The following GOT1 variants were observed in gnomAD, a reference collection of about 807,000 sequenced individuals.
GOT1 encodes the protein glutamic-oxaloacetic transaminase 1, also known as aspartate aminotransferase, cytoplasmic.
A neutral mutation model predicts 48.2 loss-of-function variants in GOT1; 25 were observed. The observed-to-expected ratio is 0.52, with a 90% CI of 0.38 to 0.72. The LOEUF (loss-of-function observed/expected upper bound fraction) is 0.72, where lower values mean the gene tolerates loss of function less well. Ranked by LOEUF, GOT1 falls within the 30% of genes least tolerant of loss-of-function variation. The probability of loss-of-function intolerance (pLI) is 0.00; values close to 1 mark genes in which losing one functional copy is unlikely to be tolerated. For missense variants in GOT1, 380 were observed against 520.1 expected, an observed-to-expected ratio of 0.73 and a Z score of 2.62; for synonymous variants, 188 against 193.8, an observed-to-expected ratio of 0.97 and a Z score of 0.25.
At chr10:99,405,520 G>GAC (rs138777645) in intron 5 of GOT1, among the ~76,000 whole-genome samples, 71,415 of 143,356 alleles carry the variant, frequency 0.5, 18,799 homozygotes, top group Non-Finnish European at 0.59. Flanking sequence ...CATAAAACTA[G>GAC]ACACACACAC....
At chr10:99,408,164 G>A (rs756753118) in intron 2 of GOT1, among the ~76,000 whole-genome samples, 1 of 152,132 alleles carries the variant, frequency 6.6e-6, no homozygotes, top group African/African-American at 2.4e-5. Context: ...TGAAACATGA[G>A]GAACTGATTC....
At position 99,403,828 on chromosome 10, in the gene GOT1, G is replaced by A. The variant is rs2032718088; in HGVS notation, c.689C>T (p.Ala230Val). ...PFFDSAYQGF[A>V]SGNLERDAWA... ...GGCATCTCTCTCCAGGTTTCCAGAT[G>A]CGAAGCCCTGATAGGCTGAGTCAAA... Residue 230 changes from alanine (A) to valine (V), a missense_variant, in exon 6 of 9, where the codon GCA (alanine) becomes GTA (valine). Ala to Val is a moderately conservative substitution (Grantham distance 64). Transcript: ENST00000370508. 2.5e-6 allele frequency: 4 copies of A among 1,614,056 alleles called. No homozygotes were observed. The South Asian group carries it at 4.4e-5, about 18-fold the overall frequency.
chr10:99,430,326 C>CCGGCGCCGCCCTCTTCAGG (rs2033101386), intron 1 of GOT1, 122 bp downstream of exon 1: 1 of 1,602,258 alleles, frequency 6.2e-7, no homozygotes, highest in Non-Finnish European at 8.5e-7. Context: ...AGCCTCCTCT[C>CCGGCGCCGCCCTCTTCAGG]CGGCGCCGCC....
chr10:99,417,140 G>C (rs903574768), intron 2 of GOT1, among the ~76,000 whole-genome samples: 1 of 152,146 alleles, frequency 6.6e-6, no homozygotes, highest in African/African-American at 2.4e-5. Flanking sequence ...GAGTGAACAG[G>C]CAACCTACAG....
intron 1 of GOT1, among the ~76,000 whole-genome samples, chr10:99,426,385 C>T (rs2033038132): frequency 6.6e-6 from 1 of 152,162 alleles, no homozygotes; most frequent in African/African-American, 2.4e-5. Context: ...TCGCCACTTC[C>T]CTCACCTATC....
chr10:99,425,051 T>A (rs917748109), intron 1 of GOT1, among the ~76,000 whole-genome samples: 4 of 152,214 alleles, frequency 2.6e-5, no homozygotes, highest in African/African-American at 9.6e-5. Context: ...CTATAGAGAT[T>A]GATAAAATAA....
chr10:99,427,596 G>A (rs1248415843), intron 1 of GOT1, among the ~76,000 whole-genome samples: 2 of 152,166 alleles, frequency 1.3e-5, no homozygotes, highest in Non-Finnish European at 2.9e-5. Context: ...TAGAATTTGG[G>A]AGAGAGGTCA....
rs1388668967 is a variant in GOT1, at chr10:99,420,769, G to C, written c.155C>G (p.Pro52Arg). 1 of 1,613,916 alleles carries C rather than the reference G, an allele frequency of 6.2e-7. No homozygotes were observed. The highest frequency in any genetic ancestry group is 8.5e-7 in the Non-Finnish European group (1 of 1,179,906). Reference protein sequence around the residue: ...RTDDCHPWVLPVVKKVEQKIA... With the variant: ...RTDDCHPWVLRVVKKVEQKIA... ...CTTCTGCTCCACTTTCTTCACTACTGGCAAAACCCAGGGATGGCAGTCATC... is the reference window on the plus strand; with the variant it reads ...CTTCTGCTCCACTTTCTTCACTACTCGCAAAACCCAGGGATGGCAGTCATC... Residue 52 changes from proline (P) to arginine (R), a missense_variant, in exon 2 of 9, where the codon CCA becomes CGA. By Grantham distance (103) the Pro-to-Arg change is moderately radical. Coordinates refer to ENST00000370508, the MANE Select transcript of GOT1 (RefSeq NM_002079.3).
At position 99,421,916 on chromosome 10, in the gene GOT1, A is replaced by G. The variant is rs1436008864; in HGVS notation, c.119-1111T>C. On this transcript the variant is annotated intron_variant, in intron 1 of 8. Transcript: ENST00000370508. ...GGGTTGTTGTTACCATTTACTGAAC[A>G]ACACGTGTTGATTGTAGAAAATTGG... 2.0e-5 allele frequency among the ~76,000 whole-genome samples: 3 copies of G among 152,244 alleles called. No individual in the cohort carries two copies. The East Asian group carries it at 5.8e-4, about 29-fold the overall frequency.
chr10:99,418,076 A>ATG, intron 2 of GOT1, among the ~76,000 whole-genome samples: 1 of 151,022 alleles, frequency 6.6e-6, no homozygotes, highest in Non-Finnish European at 1.5e-5. Context: ...ATATATATAT[A>ATG]AAAAGAAGGG....
At chr10:99,405,327 A>C (rs2032740489) in intron 5 of GOT1, among the ~76,000 whole-genome samples, 2 of 152,234 alleles carry the variant, frequency 1.3e-5, no homozygotes, top group Admixed American at 1.3e-4. Context: ...GTAAACCTAA[A>C]TATTCATCAG....
intron 1 of GOT1, among the ~76,000 whole-genome samples, chr10:99,428,091 G>A (rs771971446): frequency 3.9e-5 from 6 of 152,140 alleles, no homozygotes; most frequent in Non-Finnish European, 7.4e-5. Flanking sequence ...TTCTCTGCAG[G>A]AGCAGTTTAT....
intron 1 of GOT1, among the ~76,000 whole-genome samples, chr10:99,429,446 A>G (rs1015491319): frequency 1.3e-5 from 2 of 152,016 alleles, no homozygotes; most frequent in Non-Finnish European, 2.9e-5. Context: ...CTCTGCTACA[A>G]AATGATTCCA....
chr10:99,414,846 G>A (rs1334173283), intron 2 of GOT1, among the ~76,000 whole-genome samples: 1 of 151,564 alleles, frequency 6.6e-6, no homozygotes, highest in Non-Finnish European at 1.5e-5. Context: ...TGACTACTGG[G>A]TACATAACGA....
chr10:99,403,440 C>T (rs775933560), intron 7 of GOT1, 29 bp downstream of exon 7: 2 of 1,587,494 alleles, frequency 1.3e-6, no homozygotes, highest in Non-Finnish European at 8.6e-7. Context: ...CTCCCCACCC[C>T]CCGGCCCACC....
At chr10:99,425,748 G>T (rs554274086) in intron 1 of GOT1, among the ~76,000 whole-genome samples, 1 of 152,200 alleles carries the variant, frequency 6.6e-6, no homozygotes, top group African/African-American at 2.4e-5. Flanking sequence ...AACACAAGGG[G>T]AAGATAGAAG....
At chr10:99,423,776 G>A (rs889603039) in intron 1 of GOT1, among the ~76,000 whole-genome samples, 6 of 151,886 alleles carry the variant, frequency 4.0e-5, no homozygotes, top group Non-Finnish European at 7.4e-5. Flanking sequence ...AGCTTCCCAT[G>A]TAGCTGAGAC....
chr10:99,412,339 G>C (rs1000896205), intron 2 of GOT1, among the ~76,000 whole-genome samples: 1 of 151,850 alleles, frequency 6.6e-6, no homozygotes, highest in Non-Finnish European at 1.5e-5. Context: ...TATGGGCGGT[G>C]GGGGTGGGGA....
chr10:99,418,173 CT>C, intron 2 of GOT1, among the ~76,000 whole-genome samples: 1 of 152,066 alleles, frequency 6.6e-6, no homozygotes, highest in East Asian at 1.9e-4. Flanking sequence ...CAAATATTTG[CT>C]GCCATGAAGA....
Sources: gnomAD v4.1 joint callset for allele counts (sites outside exome capture counted in the v4.1 genomes callset) on GRCh38, gnomAD v4.1.1 for gene constraint, MANE v1.5 for transcripts, NCBI Gene and HGNC (gene_info 2026-07-23, HGNC 2026-07-21) for gene names.